Variants in EIF4B observed in about 807,000 individuals in gnomAD.
EIF4B encodes the protein eukaryotic translation initiation factor 4B.
In EIF4B, 8 loss-of-function variants were observed where a neutral mutation model predicts 79.3. The observed-to-expected ratio is 0.10, with a 90% CI of 0.06 to 0.18. EIF4B has a LOEUF of 0.18. EIF4B is among the 10% of genes least tolerant of loss of function. EIF4B has a pLI of 1.00. For synonymous variants in EIF4B, 238 were observed against 274.7 expected (o/e 0.87, Z 1.32); for missense variants, 515 against 792.4 (o/e 0.65, Z 4.20).
At chr12:53,039,587 A>C in intron 13 of EIF4B, 43 bp from the exon 14 acceptor site, 1 of 1,609,026 alleles carries the variant, frequency 6.2e-7, no homozygotes, top group South Asian at 1.1e-5. Context: ...GTATTAGGCG[A>C]GTCCTTTCCT....
At chr12:53,027,981 G>T in intron 7 of EIF4B, 34 bp from the exon 8 acceptor site, 2 of 1,607,600 alleles carry the variant, frequency 1.2e-6, no homozygotes, top group Non-Finnish European at 1.7e-6. Context: ...TTCCCCCTCC[G>T]CTGTGATGAT....
rs1943644615 is a variant in EIF4B, at chr12:53,041,837, CTAA to C, written c.*1615_*1617del. 1.1e-5 allele frequency: 1 copy of C among 93,914 alleles called. No homozygotes were observed. The allele number at this position is 93,914 out of a possible 1,614,324, so 5.8% of individuals were successfully genotyped here. On this transcript the variant is annotated 3_prime_UTR_variant, in exon 15 of 15. Transcript: ENST00000262056. ...ATAATTGGTGTGGATTGGCCAGTAG[CTAA>C]GAAGTGGGCTTTTAAAGAGTATTGA...
At chr12:53,021,888 T>C (rs1438136599) in intron 5 of EIF4B, 28 bp downstream of exon 5, 4 of 1,614,002 alleles carry the variant, frequency 2.5e-6, no homozygotes, top group Non-Finnish European at 3.4e-6. Context: ...GATTTCTGTT[T>C]GGTAATGGTC....
rs1182073757 is a variant in EIF4B at position 53,040,479 on chromosome 12, T to TA, written c.*257dup. 1.1e-5 allele frequency: 4 copies of TA among 380,544 alleles called. No homozygotes were observed. Among genetic ancestry groups the TA allele is most frequent in the Non-Finnish European group, 1.5e-5 (3 of 205,246 alleles). The allele number at this position is 380,544 out of a possible 1,614,324, so 23.6% of individuals were successfully genotyped here. On this transcript the variant is annotated 3_prime_UTR_variant, in exon 15 of 15. Coordinates refer to ENST00000262056, the MANE Select transcript of EIF4B (RefSeq NM_001417.7). ...TTTTAGAGGAAAAGTTGTGGTGCGT[T>TA]ATGTCACCATGCAGTTGCCAGTGTG...
At chr12:53,022,141 T>G in intron 5 of EIF4B, 1 of 656,390 alleles carries the variant, frequency 1.5e-6, no homozygotes, top group Non-Finnish European at 2.7e-6. Flanking sequence ...CCAAAATGCA[T>G]GTCAAGATTG....
chr12:53,018,105 C>T (rs1943177104), intron 2 of EIF4B, among the ~76,000 whole-genome samples: 1 of 152,206 alleles, frequency 6.6e-6, no homozygotes, highest in African/African-American at 2.4e-5. Flanking sequence ...ATTGTCCTGT[C>T]TCAGCCTCCC....
In EIF4B at chr12:53,027,136, A is replaced by ATTTTTTTTTTTTTTTT. The variant is rs777111413; in HGVS notation, c.668-646_668-645insTTTTTTTTTTTTTTTT. Among the ~76,000 whole-genome samples the ATTTTTTTTTTTTTTTT allele has an allele frequency of 6.9e-3, 203 of 29,264 alleles. 11 individuals are homozygous for ATTTTTTTTTTTTTTTT. Among genetic ancestry groups the ATTTTTTTTTTTTTTTT allele is most frequent in the African/African-American group, 0.011 (184 of 16,852 alleles). 19.2% of individuals were successfully genotyped at this position (29,264 alleles called of 152,430 possible). On this transcript the variant is annotated intron_variant, in intron 6 of 14. Transcript: ENST00000262056. ...GAGACTGTCTCTCAAAAAAAAAAAAAATTTTTTTTTTTTTTTTTTTTGAGA... is the reference window on the plus strand; with the variant it reads ...GAGACTGTCTCTCAAAAAAAAAAAAATTTTTTTTTTTTTTTTATTTTTTTTTTTTTTTTTTTTGAGA...
intron 6 of EIF4B, among the ~76,000 whole-genome samples, chr12:53,023,121 GTC>G (rs929136483): frequency 5.9e-5 from 9 of 151,634 alleles, no homozygotes; most frequent in Non-Finnish European, 1.3e-4. Flanking sequence ...GCGAGACCCT[GTC>G]TCAAAAAAAA....
intron 5 of EIF4B, 182 bp from the exon 6 acceptor site, chr12:53,022,311 C>G: frequency 1.2e-6 from 1 of 822,328 alleles, no homozygotes; most frequent in Non-Finnish European, 2.0e-6. Flanking sequence ...TAGGAAAAAA[C>G]GGGAGGAAAA....
At chr12:53,025,934 T>A (rs1397168444) in intron 6 of EIF4B, among the ~76,000 whole-genome samples, 1 of 151,996 alleles carries the variant, frequency 6.6e-6, no homozygotes, top group Non-Finnish European at 1.5e-5. Context: ...GGTGAAACCC[T>A]GTCCCTACTA....
chr12:53,032,922 C>T (rs1234445393), intron 8 of EIF4B, among the ~76,000 whole-genome samples: 1 of 152,182 alleles, frequency 6.6e-6, no homozygotes, highest in African/African-American at 2.4e-5. Context: ...CCGCCCGCCT[C>T]AGCCCCCCAA....
intron 8 of EIF4B, among the ~76,000 whole-genome samples, chr12:53,032,520 T>G (rs1943464333): frequency 6.6e-6 from 1 of 152,196 alleles, no homozygotes; most frequent in Non-Finnish European, 1.5e-5. Flanking sequence ...ATCCAGTAGT[T>G]TAATGATGGT....
chr12:53,008,760 G>A (rs1322403031), intron 1 of EIF4B: 2 of 152,230 alleles, frequency 1.3e-5, no homozygotes, highest in African/African-American at 4.8e-5. Context: ...TTAAAGGCCG[G>A]GCGCGGTGGC....
At chr12:53,008,822 G>A (rs1031174065) in intron 1 of EIF4B, among the ~76,000 whole-genome samples, 12 of 151,894 alleles carry the variant, frequency 7.9e-5, no homozygotes, top group African/African-American at 2.9e-4. Flanking sequence ...GGATCACTAG[G>A]TCAGGAGTTG....
chr12:53,009,679 G>C (rs1462571051), intron 1 of EIF4B, among the ~76,000 whole-genome samples: 1 of 152,140 alleles, frequency 6.6e-6, no homozygotes, highest in Admixed American at 6.5e-5. Flanking sequence ...CAGTGAAATG[G>C]TTTTAAGGGG....
rs759061266 is a variant in EIF4B, at chr12:53,030,413, CTTTTTTTTTTTTTT to C, written c.979+2237_979+2250del. Among the ~76,000 whole-genome samples, 4 of 43,096 alleles carry C rather than the reference CTTTTTTTTTTTTTT, an allele frequency of 9.3e-5. 1 individual carries two copies. The highest frequency in any genetic ancestry group is 1.6e-4 in the African/African-American group (3 of 19,200). The allele number at this position is 43,096 out of a possible 152,430, so 28.3% of individuals were successfully genotyped here. On this transcript the variant is annotated intron_variant, in intron 8 of 14. Coordinates refer to ENST00000262056, the MANE Select transcript of EIF4B (RefSeq NM_001417.7). ...GAAATAGGTTTTAAAAAATTATATT[CTTTTTTTTTTTTTT>C]TTTTTTTTTTTGAGACGGAGTCTCT...
Position 53,037,539 on chromosome 12 carries a change from A to G in EIF4B, c.1437A>G (p.Pro479=), listed in dbSNP as rs1430497660. 6 of 1,613,772 alleles carry G rather than the reference A, an allele frequency of 3.7e-6. No individual in the cohort carries two copies. The Middle Eastern group carries it at 6.6e-4, about 177-fold the overall frequency. ...TAAAGGTAATGCCAGCCCCTCCACC[A>G]AAGGAGAATGCTTGGGTGAAGCGAA... The part of the protein sequence containing the change: ...QPLKVMPAPP[P]KENAWVKRSS... Residue 479 remains proline (P), a synonymous_variant, in exon 11 of 15, where the codon CCA becomes CCG. Transcript: ENST00000262056.
intron 5 of EIF4B, chr12:53,022,262 G>C (rs1203438416): frequency 1.4e-6 from 1 of 708,752 alleles, no homozygotes; most frequent in Non-Finnish European, 2.5e-6. Flanking sequence ...AGGGACTCCT[G>C]GCCCATACAG....
intron 10 of EIF4B, 127 bp from the exon 11 acceptor site, chr12:53,037,282 T>C (rs1943555606): frequency 1.0e-6 from 1 of 992,226 alleles, no homozygotes; most frequent in African/African-American, 1.6e-5. Flanking sequence ...AAACCACTGG[T>C]TTAGGGATAA....
Sources: gnomAD v4.1 joint callset for allele counts (sites outside exome capture counted in the v4.1 genomes callset) on GRCh38, gnomAD v4.1.1 for gene constraint, MANE v1.5 for transcripts, NCBI Gene and HGNC (gene_info 2026-07-23, HGNC 2026-07-21) for gene names.